Variants in UNC79 observed in about 807,000 individuals in gnomAD.
UNC79 encodes unc-79 subunit of NALCN channel complex.
In UNC79, 37 loss-of-function variants were observed where a neutral mutation model predicts 283.1. The observed-to-expected ratio is 0.13, with a 90% CI of 0.10 to 0.17. UNC79 has a LOEUF of 0.17. Among genes scored for constraint, UNC79 ranks in the 10% least tolerant of loss-of-function variants. The pLI, the probability that UNC79 is intolerant of heterozygous loss-of-function variation, is 1.00. For missense variants in UNC79, 2,272 were observed against 3,211.1 expected (o/e 0.71, Z 7.07); for synonymous variants, 1,107 against 1,200.2 (o/e 0.92, Z 1.61).
At chr14:93,642,835 C>T (rs2069190796) in intron 33 of UNC79, among the ~76,000 whole-genome samples, 1 of 152,154 alleles carries the variant, frequency 6.6e-6, no homozygotes, top group Non-Finnish European at 1.5e-5. Context: ...CCTGCTATTC[C>T]CATTAGACTT....
chr14:93,499,334 T>G (rs1375915970), intron 7 of UNC79, among the ~76,000 whole-genome samples: 1 of 152,192 alleles, frequency 6.6e-6, no homozygotes, highest in Non-Finnish European at 1.5e-5. Flanking sequence ...AACTGAAATA[T>G]TTGACACTCC....
chr14:93,394,860 T>A (rs936035605), intron 1 of UNC79, among the ~76,000 whole-genome samples: 1 of 152,154 alleles, frequency 6.6e-6, no homozygotes, highest in African/African-American at 2.4e-5. Flanking sequence ...TGCAGGCATG[T>A]GCCACCATGC....
chr14:93,378,293 G>A (rs1177784793), intron 1 of UNC79, among the ~76,000 whole-genome samples: 11 of 152,168 alleles, frequency 7.2e-5, no homozygotes, highest in Admixed American at 7.2e-4. Context: ...CTTGAGGATT[G>A]GCATTCTCAC....
chr14:93,445,853 C>A (rs991764098), intron 1 of UNC79, among the ~76,000 whole-genome samples: 1 of 152,010 alleles, frequency 6.6e-6, no homozygotes, highest in African/African-American at 2.4e-5. Flanking sequence ...TTATTTGTGT[C>A]TTTTAAGGAA....
chr14:93,498,789 T>G (rs1382518109), intron 7 of UNC79, among the ~76,000 whole-genome samples: 1 of 152,154 alleles, frequency 6.6e-6, no homozygotes. Context: ...TATATATTAT[T>G]AAATCAAAGA....
chr14:93,639,025 CA>C (rs774161647), intron 32 of UNC79, among the ~76,000 whole-genome samples: 3 of 152,178 alleles, frequency 2.0e-5, no homozygotes, highest in Non-Finnish European at 4.4e-5. Context: ...AACAACTTCA[CA>C]ATGCTATTGT....
chr14:93,479,779 C>T (rs1387030470), intron 4 of UNC79, among the ~76,000 whole-genome samples: 2 of 152,132 alleles, frequency 1.3e-5, no homozygotes, highest in Non-Finnish European at 2.9e-5. Context: ...GTGAAGGCCT[C>T]TACCACCATG....
At chr14:93,563,727 T>C (rs1308631009) in intron 14 of UNC79, among the ~76,000 whole-genome samples, 1 of 151,572 alleles carries the variant, frequency 6.6e-6, no homozygotes, top group Non-Finnish European at 1.5e-5. Flanking sequence ...GGAAATGGGG[T>C]GAATGTCAGG....
intron 38 of UNC79, 145 bp downstream of exon 41, chr14:93,655,552 T>G (rs1399649205): frequency 1.0e-6 from 1 of 991,512 alleles, no homozygotes; most frequent in African/African-American, 1.6e-5. Context: ...GGATGCTTAT[T>G]TGGGTTGTTC....
At chr14:93,451,771 C>A (rs989004625) in intron 1 of UNC79, among the ~76,000 whole-genome samples, 1 of 152,150 alleles carries the variant, frequency 6.6e-6, no homozygotes, top group South Asian at 2.1e-4. Context: ...TTTTGAGAAG[C>A]CTGAAATGCA....
At chr14:93,699,927 C>T (rs765175848) in intron 47 of UNC79, among the ~76,000 whole-genome samples, 9 of 152,080 alleles carry the variant, frequency 5.9e-5, no homozygotes, top group Non-Finnish European at 1.0e-4. Flanking sequence ...TTTCCTTCTG[C>T]CCAAAGGATT....
intron 22 of UNC79, among the ~76,000 whole-genome samples, chr14:93,591,299 C>T (rs1345660619): frequency 6.6e-6 from 1 of 152,144 alleles, no homozygotes; most frequent in African/African-American, 2.4e-5. Flanking sequence ...GTCACAAATA[C>T]AGGTGATCCT....
exon 18 of UNC79, chr14:93,578,042 G>C (rs2063569682): frequency 6.2e-7 from 1 of 1,614,102 alleles, no homozygotes; most frequent in African/African-American, 1.3e-5. Flanking sequence ...TCATCCTCAT[G>C]TTTGATCTTC....
At chr14:93,441,782 A>ATTTTCTT (rs767386354) in intron 1 of UNC79, among the ~76,000 whole-genome samples, 2 of 151,942 alleles carry the variant, frequency 1.3e-5, no homozygotes, top group African/African-American at 2.4e-5. Context: ...TAGCTGCTAT[A>ATTTTCTT]TTTTCTTTCT....
chr14:93,640,812 G>A (rs1388486221), intron 32 of UNC79, among the ~76,000 whole-genome samples: 1 of 152,160 alleles, frequency 6.6e-6, no homozygotes, highest in South Asian at 2.1e-4. Flanking sequence ...AAGAATTGTA[G>A]CTCTTTTAAG....
chr14:93,618,604 G>A (rs923059861), intron 29 of UNC79, among the ~76,000 whole-genome samples: 1 of 152,194 alleles, frequency 6.6e-6, no homozygotes, highest in South Asian at 2.1e-4. Flanking sequence ...ATTTTCTGCT[G>A]TTTGAATCAG....
chr14:93,420,468 T>C (rs1302749855), intron 1 of UNC79, among the ~76,000 whole-genome samples: 1 of 151,744 alleles, frequency 6.6e-6, no homozygotes, highest in Non-Finnish European at 1.5e-5. Context: ...GAAAATATTA[T>C]TAGAGCTAAA....
intron 1 of UNC79, among the ~76,000 whole-genome samples, chr14:93,409,267 ATAAT>A (rs1210322335): frequency 4.5e-4 from 68 of 152,364 alleles, no homozygotes; most frequent in African/African-American, 1.6e-3. Context: ...TATCTCAATA[ATAAT>A]TAATTTGAAA....
At chr14:93,540,511 A>G (rs931888918) in intron 12 of UNC79, 149 bp from the exon 13 acceptor site, 4 of 769,326 alleles carry the variant, frequency 5.2e-6, no homozygotes, top group East Asian at 2.8e-5. Context: ...CAGGATGCAC[A>G]GTACTCAGTA....
Sources: gnomAD v4.1 joint callset for allele counts (sites outside exome capture counted in the v4.1 genomes callset) on GRCh38, gnomAD v4.1.1 for gene constraint, MANE v1.5 for transcripts, NCBI Gene and HGNC (gene_info 2026-07-23, HGNC 2026-07-21) for gene names.